The following SYBU variants were observed in gnomAD, a reference collection of about 807,000 sequenced individuals.
The protein encoded by SYBU is syntabulin.
In SYBU, 21 loss-of-function variants were observed where a neutral mutation model predicts 35.9. The observed-to-expected ratio is 0.58, with a 90% CI of 0.41 to 0.84. SYBU has a LOEUF of 0.84. Ranked by LOEUF, SYBU falls within the 40% of genes least tolerant of loss-of-function variation. The probability of loss-of-function intolerance (pLI) is 0.00; values close to 1 mark genes in which losing one functional copy is unlikely to be tolerated. For synonymous variants in SYBU, 319 were observed against 324.3 expected, an observed-to-expected ratio of 0.98 and a Z score of 0.18; for missense variants, 768 against 848.2, an observed-to-expected ratio of 0.91 and a Z score of 1.17.
intron 3 of SYBU, among the ~76,000 whole-genome samples, chr8:109,587,391 A>C (rs1470788557): frequency 6.6e-6 from 1 of 152,234 alleles, no homozygotes; most frequent in African/African-American, 2.4e-5. Flanking sequence ...ACTATTGAGA[A>C]AACTGAAGCT....
intron 2 of SYBU, among the ~76,000 whole-genome samples, chr8:109,631,708 T>C (rs1211697693): frequency 1.3e-5 from 2 of 152,114 alleles, no homozygotes; most frequent in African/African-American, 4.8e-5. Context: ...GGAGTTGGTG[T>C]TGAAATTGGG....
chr8:109,630,426 T>TA (rs965667618), intron 2 of SYBU, among the ~76,000 whole-genome samples: 315 of 134,728 alleles, frequency 2.3e-3, no homozygotes, highest in African/African-American at 7.1e-3. Flanking sequence ...AGTATAATAA[T>TA]AAAAAAAAAA....
At chr8:109,602,790 C>T (rs1825681572) in intron 3 of SYBU, among the ~76,000 whole-genome samples, 1 of 152,148 alleles carries the variant, frequency 6.6e-6, no homozygotes, top group African/African-American at 2.4e-5. Context: ...TGGGTAAATT[C>T]TGGCAATTTC....
intron 1 of SYBU, among the ~76,000 whole-genome samples, chr8:109,674,599 T>C (rs1817116080): frequency 6.6e-6 from 1 of 152,110 alleles, no homozygotes; most frequent in Admixed American, 6.6e-5. Flanking sequence ...GTAAAGAACA[T>C]TGACACTGTG....
At chr8:109,677,218 C>G (rs1817224275) in intron 1 of SYBU, among the ~76,000 whole-genome samples, 1 of 152,044 alleles carries the variant, frequency 6.6e-6, no homozygotes, top group South Asian at 2.1e-4. Context: ...GTAAGATACT[C>G]TAAAAGTAAT....
At chr8:109,590,185 G>C (rs1824054361) in intron 3 of SYBU, among the ~76,000 whole-genome samples, 1 of 152,110 alleles carries the variant, frequency 6.6e-6, no homozygotes, top group Admixed American at 6.6e-5. Context: ...AATTATAGAA[G>C]ACACTATTAA....
intron 2 of SYBU, among the ~76,000 whole-genome samples, chr8:109,619,546 C>T (rs1180828696): frequency 6.6e-6 from 1 of 152,090 alleles, no homozygotes; most frequent in Non-Finnish European, 1.5e-5. Context: ...CTTTTTGACA[C>T]AAATATTTCT....
chr8:109,589,340 A>C (rs1823964362), intron 3 of SYBU, among the ~76,000 whole-genome samples: 1 of 152,130 alleles, frequency 6.6e-6, no homozygotes, highest in Admixed American at 6.5e-5. Flanking sequence ...TACTCATAGC[A>C]CCTGCTTCAT....
At chr8:109,667,393 G>A (rs545933008) in intron 1 of SYBU, among the ~76,000 whole-genome samples, 30 of 152,042 alleles carry the variant, frequency 2.0e-4, no homozygotes, top group Admixed American at 1.6e-3. Flanking sequence ...TTACCAATGT[G>A]AGCCACCGTG....
intron 1 of SYBU, among the ~76,000 whole-genome samples, chr8:109,654,227 G>A (rs948504809): frequency 2.6e-5 from 4 of 152,148 alleles, no homozygotes; most frequent in African/African-American, 9.7e-5. Context: ...CTTGTCTAGA[G>A]TATATGTCTC....
At chr8:109,600,088 G>T (rs568217330) in intron 3 of SYBU, among the ~76,000 whole-genome samples, 56 of 152,190 alleles carry the variant, frequency 3.7e-4, no homozygotes, top group Admixed American at 7.2e-4. Context: ...TTATCACATT[G>T]CACTGCAATT....
At chr8:109,585,455 A>G (rs1382869818) in intron 4 of SYBU, among the ~76,000 whole-genome samples, 2 of 152,250 alleles carry the variant, frequency 1.3e-5, no homozygotes, top group Non-Finnish European at 1.5e-5. Context: ...CAACTTGCTC[A>G]GAGCCACACA....
chr8:109,605,138 C>G (rs992419134), intron 3 of SYBU, among the ~76,000 whole-genome samples: 2 of 152,134 alleles, frequency 1.3e-5, no homozygotes, highest in Non-Finnish European at 2.9e-5. Context: ...ACAGAAGCAC[C>G]AGGTACCAGC....
At chr8:109,657,032 C>A (rs372689877) in intron 1 of SYBU, among the ~76,000 whole-genome samples, 10 of 152,030 alleles carry the variant, frequency 6.6e-5, no homozygotes, top group Admixed American at 6.5e-4. Flanking sequence ...TTTATTAATA[C>A]AGGACAAGAT....
Position 109,585,750 on chromosome 8 carries a change from A to C in SYBU, c.530+310T>G, listed in dbSNP as rs530373646. 4 of 251,436 alleles carry C rather than the reference A, an allele frequency of 1.6e-5. No individual in the cohort carries two copies. In the South Asian group the frequency reaches 3.6e-4, roughly 23 times the overall value. The allele number at this position is 251,436 out of a possible 1,614,324, so 15.6% of individuals were successfully genotyped here. A position where few individuals can be genotyped will look rare whatever the true frequency, so the allele number is the denominator to read the frequency against. On this transcript the variant is annotated intron_variant, in intron 4 of 6. Coordinates refer to ENST00000276646, the MANE Select transcript of SYBU (RefSeq NM_001099754.2). ...GGAGGTAGGAGGGAAGTGGGAGACC[A>C]CTAGCTTCCTATGCAGATGAGTACA... is the stretch of plus-strand genomic sequence containing the variant.
chr8:109,626,574 T>C (rs1327405090), intron 2 of SYBU, among the ~76,000 whole-genome samples: 1 of 152,220 alleles, frequency 6.6e-6, no homozygotes, highest in Non-Finnish European at 1.5e-5. Flanking sequence ...GTGCGTATCA[T>C]AAACTTTCTT....
At chr8:109,582,108 C>G (rs548116498) in intron 4 of SYBU, among the ~76,000 whole-genome samples, 1 of 152,178 alleles carries the variant, frequency 6.6e-6, no homozygotes, top group Admixed American at 6.5e-5. Context: ...TTAGCTATTA[C>G]ACCTTAGGCA....
At chr8:109,674,939 C>T (rs1817129336) in intron 1 of SYBU, among the ~76,000 whole-genome samples, 1 of 152,162 alleles carries the variant, frequency 6.6e-6, no homozygotes, top group Non-Finnish European at 1.5e-5. Flanking sequence ...TCATAACAGT[C>T]TCTCAGACCA....
At chr8:109,590,805 A>G (rs1231294911) in intron 3 of SYBU, among the ~76,000 whole-genome samples, 2 of 151,830 alleles carry the variant, frequency 1.3e-5, no homozygotes, top group African/African-American at 2.4e-5. Flanking sequence ...GGCCAAGGAC[A>G]TATTAGGCAG....
Sources: allele counts gnomAD v4.1 joint callset (sites outside exome capture counted in the v4.1 genomes callset), GRCh38; gene constraint gnomAD v4.1.1; transcripts MANE v1.5; gene names NCBI Gene and HGNC (gene_info 2026-07-23, HGNC 2026-07-21).